The following SPRYD7 variants were observed in gnomAD, a reference collection of about 807,000 sequenced individuals.
The protein encoded by SPRYD7 is SPRY domain-containing protein 7.
A neutral mutation model predicts 23.8 loss-of-function variants in SPRYD7; 14 were observed. The observed-to-expected ratio is 0.59, with a 90% confidence interval of 0.39 to 0.92. The LOEUF (loss-of-function observed/expected upper bound fraction) is 0.92, where lower values mean the gene tolerates loss of function less well. Among genes scored for constraint, SPRYD7 ranks in the 40% least tolerant of loss-of-function variants. The probability of loss-of-function intolerance (pLI) is 0.00; values close to 1 mark genes in which losing one functional copy is unlikely to be tolerated. For missense variants in SPRYD7, 194 were observed against 241.7 expected, an observed-to-expected ratio of 0.80 and a Z score of 1.31; for synonymous variants, 75 against 84.9, an observed-to-expected ratio of 0.88 and a Z score of 0.64.
rs114089985 is a variant in SPRYD7 at position 49,927,607 on chromosome 13, G to A, written c.390+312C>T. Among the ~76,000 whole-genome samples the A allele has an allele frequency of 8.1e-3, 1,237 of 152,166 alleles. 19 individuals carry two copies. The highest frequency in any genetic ancestry group is 0.028 in the African/African-American group (1,183 of 41,522). ...TAAGCTTCAGCAAACTTTTAGAATT[G>A]TGGGCCAAGTTTTCTCTAATGTGAG... is the stretch of plus-strand genomic sequence containing the variant. On this transcript the variant is annotated intron_variant, in intron 3 of 4. Coordinates refer to ENST00000361840, the MANE Select transcript of SPRYD7 (RefSeq NM_020456.4).
intron 3 of SPRYD7, among the ~76,000 whole-genome samples, chr13:49,923,728 G>A (rs1031062300): frequency 1.3e-5 from 2 of 151,810 alleles, no homozygotes; most frequent in Admixed American, 6.6e-5. Context: ...CCTTGGCTCA[G>A]TGTGATACGC....
At chr13:49,935,975 G>A (rs967877342) in intron 1 of SPRYD7, among the ~76,000 whole-genome samples, 155 bp downstream of exon 1, 2 of 152,084 alleles carry the variant, frequency 1.3e-5, no homozygotes, top group South Asian at 2.1e-4. Context: ...GGTGGAGTCC[G>A]CCGGCTTCTG....
In SPRYD7 at chr13:49,927,211, G is replaced by A. The variant is rs559838388; in HGVS notation, c.390+708C>T. Among the ~76,000 whole-genome samples, 5 of 152,220 alleles carry A rather than the reference G, an allele frequency of 3.3e-5. No individual in the cohort carries two copies. The South Asian group carries it at 8.3e-4, about 25-fold the overall frequency. On this transcript the variant is annotated intron_variant, in intron 3 of 4. Transcript: ENST00000361840. ...TCATAACAAATTAAGAAATACATGT[G>A]TGGCTAGGCGCGGTGGCTCATGCCT...
intron 1 of SPRYD7, among the ~76,000 whole-genome samples, chr13:49,934,098 T>C (rs940518113): frequency 2.0e-5 from 3 of 152,004 alleles, no homozygotes; most frequent in Non-Finnish European, 2.9e-5. Context: ...AATATAATAA[T>C]CTTTCACACC....
chr13:49,922,793 T>C (rs1955835022), intron 3 of SPRYD7, among the ~76,000 whole-genome samples: 1 of 144,832 alleles, frequency 6.9e-6, no homozygotes, highest in Admixed American at 7.3e-5. Flanking sequence ...ATACATTCTA[T>C]CAAGTTAAAA....
intron 2 of SPRYD7, 27 bp from the exon 3 acceptor site, chr13:49,928,112 T>C: frequency 6.2e-7 from 1 of 1,600,198 alleles, no homozygotes; most frequent in Non-Finnish European, 8.5e-7. Flanking sequence ...TTAAATGCCC[T>C]CAAAATCTGA....
chr13:49,930,484 G>T (rs1955935185), intron 2 of SPRYD7, among the ~76,000 whole-genome samples: 1 of 152,052 alleles, frequency 6.6e-6, no homozygotes, highest in Non-Finnish European at 1.5e-5. Context: ...AAGAGGCTGA[G>T]GCAAGAGAAT....
rs1342418126 is a variant in SPRYD7, at chr13:49,936,088, G to A, written c.106+42C>T. ...AAGGTCCCCCTGCCCGCCGCGCCCG[G>A]CCCCCGTGAGCCGTTGGGTCTGGGG... is the stretch of plus-strand genomic sequence containing the variant. On this transcript the variant is annotated intron_variant, in intron 1 of 4. Transcript: ENST00000361840. 3.5e-6 allele frequency: 5 copies of A among 1,442,134 alleles called. No individual in the cohort carries two copies. In the African/African-American group the frequency reaches 5.8e-5, roughly 17 times the overall value. 89.3% of individuals were successfully genotyped at this position (1,442,134 alleles called of 1,614,324 possible).
At chr13:49,925,249 A>G (rs898744365) in intron 3 of SPRYD7, among the ~76,000 whole-genome samples, 2 of 151,396 alleles carry the variant, frequency 1.3e-5, no homozygotes, top group African/African-American at 4.8e-5. Context: ...AAAATTAGCC[A>G]GGCGTGGTGG....
At position 49,912,960 on chromosome 13, in the gene SPRYD7, G is replaced by C. The variant is rs1011552814; in HGVS notation, c.*2103C>G. 15 of 152,280 alleles carry C rather than the reference G, an allele frequency of 9.9e-5. No homozygotes were observed. Among genetic ancestry groups the C allele is most frequent in the African/African-American group, 3.1e-4 (13 of 41,554 alleles). 9.4% of individuals were successfully genotyped at this position (152,280 alleles called of 1,614,324 possible). A position where few individuals can be genotyped will look rare whatever the true frequency, so the allele number is the denominator to read the frequency against. ...TTTGCAGGATTCTCTGAGCCTATGG[G>C]TCAAAAATAGCCCATCATAAATCCT... On this transcript the variant is annotated 3_prime_UTR_variant, in exon 5 of 5. Transcript: ENST00000361840.
intron 3 of SPRYD7, among the ~76,000 whole-genome samples, chr13:49,924,068 C>T (rs1401873534): frequency 2.0e-5 from 3 of 151,230 alleles, no homozygotes; most frequent in South Asian, 2.1e-4. Context: ...CTGCAACCTC[C>T]GCCTCCCAGG....
rs1445501186 is a variant in SPRYD7 at position 49,921,534 on chromosome 13, T to C, written c.437A>G (p.Lys146Arg). ...HVELNVYLNG[K>R]NMHCPASGIR... ...ACCTGATGCTGGACAATGCATGTTT[T>C]TTCCATTCAAGTATACATTTAATTC... The change falls in exon 4 of 5, where the codon AAA becomes AGA. Residue 146 changes from lysine (K) to arginine (R), a missense_variant. By Grantham distance (26) the Lys-to-Arg change is conservative. Transcript: ENST00000361840. The C allele has an allele frequency of 1.2e-6, 2 of 1,613,604 alleles. No individual in the cohort carries two copies. Among genetic ancestry groups the C allele is most frequent in the African/African-American group, 1.3e-5 (1 of 74,932 alleles).
chr13:49,935,767 G>A lies in SPRYD7; in HGVS notation c.106+363C>T, dbSNP rs151054794. On this transcript the variant is annotated intron_variant, in intron 1 of 4. Transcript: ENST00000361840. ...TCAGGGCAGGAGGAGGAGCAAGACC[G>A]GACCTAGAAGCATTCTGAAAATGTG... The A allele has an allele frequency of 2.8e-3, 477 of 167,518 alleles. 1 individual carries two copies. Among genetic ancestry groups the A allele is most frequent in the Admixed American group, 8.2e-3 (129 of 15,694 alleles). 10.4% of individuals were successfully genotyped at this position (167,518 alleles called of 1,614,324 possible).
Position 49,921,542 on chromosome 13 carries a change from C to A in SPRYD7, c.429G>T (p.Leu143Phe), listed in dbSNP as rs756824585. 3.7e-6 allele frequency: 6 copies of A among 1,613,154 alleles called. No individual in the cohort carries two copies. The highest frequency in any genetic ancestry group is 5.1e-6 in the Non-Finnish European group (6 of 1,179,306). Reference sequence around the variant, plus strand: ...CTGGACAATGCATGTTTTTTCCATTCAAGTATACATTTAATTCGACATGGT... The same window carrying A: ...CTGGACAATGCATGTTTTTTCCATTAAAGTATACATTTAATTCGACATGGT... ...TYDHVELNVYLNGKNMHCPAS... is the reference protein window; with the variant it reads ...TYDHVELNVYFNGKNMHCPAS... The change falls in exon 4 of 5, where the codon TTG becomes TTT. Residue 143 changes from leucine (L) to phenylalanine (F), a missense_variant. Transcript: ENST00000361840.
intron 4 of SPRYD7, among the ~76,000 whole-genome samples, chr13:49,918,917 T>C (rs1955783942): frequency 6.6e-6 from 1 of 151,238 alleles, no homozygotes; most frequent in Non-Finnish European, 1.5e-5. Flanking sequence ...GGTTTCACCA[T>C]GTTGGCCAGG....
At chr13:49,925,226 A>C (rs1271470618) in intron 3 of SPRYD7, among the ~76,000 whole-genome samples, 2 of 151,494 alleles carry the variant, frequency 1.3e-5, no homozygotes, top group African/African-American at 4.8e-5. Flanking sequence ...CCCCGTCTCT[A>C]CTAAAAAATA....
intron 4 of SPRYD7, among the ~76,000 whole-genome samples, chr13:49,918,307 T>C (rs1408406197): frequency 1.3e-5 from 2 of 152,152 alleles, no homozygotes; most frequent in African/African-American, 2.4e-5. Flanking sequence ...CGAGCAACTC[T>C]TACCTCAGCC....
rs1044768288 is a variant in SPRYD7 at position 49,927,967 on chromosome 13, C to G, written c.342G>C (p.Glu114Asp). Residue 114 changes from glutamate to aspartate, a missense_variant, in exon 3 of 5, where the codon GAG (glutamate) becomes GAC (aspartate). Coordinates refer to ENST00000361840, the MANE Select transcript of SPRYD7 (RefSeq NM_020456.4). ...GACTGTTTGCTGGCAGCCTATTTTT[C>G]TCTTCATTGTTGTGGTAAAGGGCTC... is the stretch of plus-strand genomic sequence containing the variant. ...NDGALYHNNE[E>D]KNRLPANSLP... The G allele has an allele frequency of 1.2e-6, 2 of 1,614,078 alleles. No homozygotes were observed. The highest frequency in any genetic ancestry group is 2.7e-5 in the African/African-American group (2 of 74,942).
chr13:49,920,543 G>A (rs564153618), intron 4 of SPRYD7, among the ~76,000 whole-genome samples: 33 of 152,184 alleles, frequency 2.2e-4, no homozygotes, highest in East Asian at 1.4e-3. Flanking sequence ...AAGGGAGTAC[G>A]GTTATTGCAT....
Sources: gnomAD v4.1 joint callset for allele counts (sites outside exome capture counted in the v4.1 genomes callset) on GRCh38, gnomAD v4.1.1 for gene constraint, MANE v1.5 for transcripts, NCBI Gene and HGNC (gene_info 2026-07-23, HGNC 2026-07-21) for gene names.